Variants in KAZN observed in about 807,000 individuals in gnomAD.
KAZN encodes the protein kazrin.
In KAZN, 40 loss-of-function variants were observed where a neutral mutation model predicts 87.4. The observed-to-expected ratio is 0.46, with a 90% CI of 0.36 to 0.60. The LOEUF is 0.60. KAZN is among the 20% of genes least tolerant of loss of function. The probability of loss-of-function intolerance (pLI) is 0.00; values close to 1 mark genes in which losing one functional copy is unlikely to be tolerated. For missense variants in KAZN, 898 were observed against 1,073.9 expected (o/e 0.84, Z 2.29); for synonymous variants, 466 against 458.3 (o/e 1.02, Z -0.22).
intron 2 of KAZN, among the ~76,000 whole-genome samples, chr1:14,316,420 T>C (rs1365148518): frequency 6.6e-6 from 1 of 152,042 alleles, no homozygotes; most frequent in African/African-American, 2.4e-5. Context: ...TCAAATTTCA[T>C]TCCTAATATT....
In KAZN at chr1:14,618,703, A is replaced by G. The variant is rs112290834; in HGVS notation, c.226+19480A>G. ...ATAGTTGACATTTGAACTCTGGCCCACTGACCCCAAAGCCTATATTTTTAA... is the reference window on the plus strand; with the variant it reads ...ATAGTTGACATTTGAACTCTGGCCCGCTGACCCCAAAGCCTATATTTTTAA... On this transcript the variant is annotated intron_variant, in intron 1 of 14. Transcript: ENST00000376030. Among the ~76,000 whole-genome samples, 279 of 152,354 alleles carry G rather than the reference A, an allele frequency of 1.8e-3. 2 individuals carry two copies. Among genetic ancestry groups the G allele is most frequent in the African/African-American group, 6.4e-3 (265 of 41,594 alleles).
intron 1 of KAZN, among the ~76,000 whole-genome samples, chr1:14,893,272 A>G (rs1162617944): frequency 6.6e-6 from 1 of 152,180 alleles, no homozygotes; most frequent in East Asian, 1.9e-4. Context: ...AGGCTGAGGC[A>G]GAAGAATCTC....
At chr1:14,966,795 G>C (rs1664503258) in intron 2 of KAZN, among the ~76,000 whole-genome samples, 2 of 151,838 alleles carry the variant, frequency 1.3e-5, no homozygotes, top group African/African-American at 4.8e-5. Flanking sequence ...TCTCAGCCCT[G>C]CGAGTAGCTG....
intron 1 of KAZN, among the ~76,000 whole-genome samples, chr1:14,037,316 G>A (rs1035282682): frequency 6.6e-6 from 1 of 152,238 alleles, no homozygotes; most frequent in African/African-American, 2.4e-5. Context: ...TGCCCTCTCC[G>A]TTTGCCCTTA....
chr1:14,295,708 C>T (rs1403140300), intron 2 of KAZN, among the ~76,000 whole-genome samples: 1 of 152,132 alleles, frequency 6.6e-6, no homozygotes, highest in Admixed American at 6.5e-5. Flanking sequence ...ACACCAATAC[C>T]TAGTTAATTC....
chr1:15,063,254 T>TAAC, intron 6 of KAZN: 1 of 368,948 alleles, frequency 2.7e-6, no homozygotes, highest in Non-Finnish European at 5.0e-6. Flanking sequence ...GCTCTAGCTC[T>TAAC]AACTCAGAGG....
At chr1:14,382,550 T>C (rs1174970951) in intron 2 of KAZN, among the ~76,000 whole-genome samples, 3 of 143,934 alleles carry the variant, frequency 2.1e-5, no homozygotes, top group Admixed American at 7.0e-5. Flanking sequence ...TTCCCACCTA[T>C]GAGTGAGAAT....
At position 14,661,734 on chromosome 1, in the gene KAZN, G is replaced by A. The variant is rs555574106; in HGVS notation, c.226+62511G>A. On this transcript the variant is annotated intron_variant, in intron 1 of 14. Coordinates refer to ENST00000376030, the MANE Select transcript of KAZN (RefSeq NM_201628.3). ...GTTTGAGACCAGCCTGGCCAACATG[G>A]CAAAACCCCCGTCTCTACTGAAAAT... 5.3e-5 allele frequency among the ~76,000 whole-genome samples: 8 copies of A among 152,010 alleles called. No homozygotes were observed. The South Asian group carries it at 1.2e-3, about 24-fold the overall frequency.
chr1:14,689,987 A>G (rs545257146), intron 1 of KAZN, among the ~76,000 whole-genome samples: 9 of 152,326 alleles, frequency 5.9e-5, no homozygotes, highest in African/African-American at 2.2e-4. Flanking sequence ...TGTGGGAATC[A>G]GTCACGGGAT....
rs539590616 is a variant in KAZN, at chr1:14,302,316, A to G, written c.249+121724A>G. ...TTTTTCTCAAATCAACGCAGAACAT[A>G]ATGTGGAAGCAGGTATAGCCTCTCC... On this transcript the variant is annotated intron_variant, in intron 2 of 16. Coordinates refer to the KAZN transcript ENST00000636203. Among the ~76,000 whole-genome samples the G allele has an allele frequency of 7.2e-5, 11 of 152,332 alleles. 1 individual carries two copies. Among genetic ancestry groups the G allele is most frequent in the African/African-American group, 2.2e-4 (9 of 41,576 alleles).
intron 2 of KAZN, among the ~76,000 whole-genome samples, chr1:14,590,463 A>T (rs1030433113): frequency 2.0e-5 from 3 of 152,200 alleles, no homozygotes; most frequent in African/African-American, 7.2e-5. Flanking sequence ...AAGAAACAAA[A>T]GGTGGAAACC....
intron 1 of KAZN, among the ~76,000 whole-genome samples, chr1:14,900,305 G>A (rs1655721326): frequency 2.0e-5 from 3 of 152,186 alleles, no homozygotes; most frequent in African/African-American, 4.8e-5. Flanking sequence ...TTTTTCAGAT[G>A]CTTGCCAAGA....
chr1:14,699,920 A>G (rs556968630), intron 1 of KAZN, among the ~76,000 whole-genome samples: 13 of 152,176 alleles, frequency 8.5e-5, no homozygotes, highest in Non-Finnish European at 1.3e-4. Flanking sequence ...CCCGACACTC[A>G]CTAGAGTGGG....
chr1:15,107,503 G>A (rs2100732025), intron 13 of KAZN, among the ~76,000 whole-genome samples: 1 of 152,260 alleles, frequency 6.6e-6, no homozygotes, highest in African/African-American at 2.4e-5. Context: ...TCCTGGCTGT[G>A]TGACCCTGGG....
chr1:15,100,761 G>C (rs1277483189), intron 10 of KAZN, among the ~76,000 whole-genome samples: 2 of 152,266 alleles, frequency 1.3e-5, no homozygotes, highest in Non-Finnish European at 2.9e-5. Context: ...ATGAGCCACT[G>C]TGTGGCTCTA....
intron 1 of KAZN, among the ~76,000 whole-genome samples, chr1:13,999,160 C>G (rs1639662575): frequency 6.6e-6 from 1 of 151,972 alleles, no homozygotes; most frequent in African/African-American, 2.4e-5. Context: ...CCAGCCTGGC[C>G]AACATAGTGA....
intron 1 of KAZN, among the ~76,000 whole-genome samples, chr1:13,978,314 A>G (rs1268624770): frequency 6.6e-6 from 1 of 152,034 alleles, no homozygotes; most frequent in Non-Finnish European, 1.5e-5. Flanking sequence ...TTAAGAAATT[A>G]CCACACATCC....
chr1:14,427,451 C>A (rs1665794836), intron 2 of KAZN, among the ~76,000 whole-genome samples: 1 of 151,986 alleles, frequency 6.6e-6, no homozygotes. Context: ...AGAAGTTATC[C>A]TACCTCACTC....
intron 2 of KAZN, among the ~76,000 whole-genome samples, chr1:14,256,340 T>A (rs937276082): frequency 6.6e-6 from 1 of 151,988 alleles, no homozygotes; most frequent in Non-Finnish European, 1.5e-5. Flanking sequence ...AGACACCCCA[T>A]ATTACCCACC....
Sources: allele counts gnomAD v4.1 joint callset (sites outside exome capture counted in the v4.1 genomes callset), GRCh38; gene constraint gnomAD v4.1.1; transcripts MANE v1.5; gene names NCBI Gene and HGNC (gene_info 2026-07-23, HGNC 2026-07-21).